RIMS2: variants seen among roughly 807,000 people sequenced by gnomAD.
The protein encoded by RIMS2 is regulating synaptic membrane exocytosis protein 2.
In RIMS2, 59 loss-of-function variants were observed where a neutral mutation model predicts 174.4. The observed-to-expected ratio is 0.34, with a 90% CI of 0.27 to 0.42. The LOEUF is 0.42. RIMS2 is among the 10% of genes least tolerant of loss of function. The probability of loss-of-function intolerance (pLI) is 1.00; values close to 1 mark genes in which losing one functional copy is unlikely to be tolerated. For synonymous variants in RIMS2, 606 were observed against 572.5 expected, an observed-to-expected ratio of 1.06 and a Z score of -0.84; for missense variants, 1,620 against 1,666.3, an observed-to-expected ratio of 0.97 and a Z score of 0.48.
At chr8:104,159,564 A>C (rs867978159) in intron 19 of RIMS2, among the ~76,000 whole-genome samples, 4 of 152,138 alleles carry the variant, frequency 2.6e-5, no homozygotes, top group Admixed American at 2.0e-4. Context: ...ATTTCTTCAG[A>C]TCCTTGCCAA....
intron 19 of RIMS2, among the ~76,000 whole-genome samples, chr8:104,190,972 T>A (rs534428833): frequency 6.6e-6 from 1 of 151,712 alleles, no homozygotes; most frequent in East Asian, 1.9e-4. Flanking sequence ...CTTCTTCTGA[T>A]GTGGGAAGCA....
At chr8:103,604,254 G>C (rs2094927755) in intron 1 of RIMS2, among the ~76,000 whole-genome samples, 1 of 151,130 alleles carries the variant, frequency 6.6e-6, no homozygotes, top group African/African-American at 2.4e-5. Context: ...ATTAAATAGA[G>C]AATCCTTTCC....
intron 15 of RIMS2, among the ~76,000 whole-genome samples, chr8:103,973,517 T>G (rs969614950): frequency 3.3e-5 from 5 of 152,118 alleles, no homozygotes; most frequent in Non-Finnish European, 7.4e-5. Flanking sequence ...TACTATATAA[T>G]AGGAGTCTAA....
intron 4 of RIMS2, chr8:103,910,009 G>T (rs2075340482): frequency 7.7e-6 from 4 of 517,492 alleles, no homozygotes; most frequent in East Asian, 3.1e-5. Flanking sequence ...TATATATATA[G>T]TGAGTGCTAC....
At chr8:104,164,106 T>C (rs2098781514) in intron 19 of RIMS2, among the ~76,000 whole-genome samples, 1 of 152,172 alleles carries the variant, frequency 6.6e-6, no homozygotes, top group Non-Finnish European at 1.5e-5. Flanking sequence ...TCCAGTCCCA[T>C]TGACATTTGA....
chr8:103,605,582 T>C (rs202228972), intron 1 of RIMS2, among the ~76,000 whole-genome samples: 9,917 of 151,750 alleles, frequency 0.065, 399 homozygotes, highest in South Asian at 0.088. Flanking sequence ...ATGGTACCAG[T>C]TCCTCCTTGT....
chr8:103,771,368 C>G (rs1228721001), intron 3 of RIMS2, among the ~76,000 whole-genome samples: 1 of 152,016 alleles, frequency 6.6e-6, no homozygotes, highest in Non-Finnish European at 1.5e-5. Context: ...ATTGATATTT[C>G]TTACATTTGA....
chr8:103,931,324 A>G, exon 12 of RIMS2: 4 of 1,603,686 alleles, frequency 2.5e-6, no homozygotes, highest in Non-Finnish European at 3.4e-6. Flanking sequence ...GGAGCAAAAG[A>G]TCTCCCTTCC....
chr8:103,816,445 A>T (rs2098719127), intron 3 of RIMS2, among the ~76,000 whole-genome samples: 1 of 152,230 alleles, frequency 6.6e-6, no homozygotes, highest in African/African-American at 2.4e-5. Context: ...TGAGACAAGA[A>T]TGCAGGACTT....
chr8:104,142,641 C>T (rs1275746281), intron 19 of RIMS2, among the ~76,000 whole-genome samples: 1 of 152,142 alleles, frequency 6.6e-6, no homozygotes, highest in Non-Finnish European at 1.5e-5. Context: ...AGTGACCTAC[C>T]TTGTGACCAC....
In RIMS2 at chr8:103,851,624, G is replaced by A. The variant is rs144680443; in HGVS notation, c.699-33674G>A. Among the ~76,000 whole-genome samples, 22 of 147,188 alleles carry A rather than the reference G, an allele frequency of 1.5e-4. No individual in the cohort carries two copies. In the East Asian group the frequency reaches 4.2e-3, roughly 28 times the overall value. On this transcript the variant is annotated intron_variant, in intron 3 of 23. Coordinates refer to ENST00000504942, the Ensembl canonical transcript of RIMS2. ...TGTGTATGTATAGATGTGTATGCCTGTGTCTATAGGAATGCTATGTACACA... is the reference window on the plus strand; with the variant it reads ...TGTGTATGTATAGATGTGTATGCCTATGTCTATAGGAATGCTATGTACACA...
intron 4 of RIMS2, among the ~76,000 whole-genome samples, chr8:103,902,512 T>A (rs993530028): frequency 5.9e-5 from 9 of 152,154 alleles, no homozygotes; most frequent in African/African-American, 2.2e-4. Context: ...AGCAACTCCA[T>A]GGAACATAGT....
intron 16 of RIMS2, chr8:103,977,261 GTGTT>G (rs1456633041): frequency 1.3e-5 from 2 of 152,176 alleles, no homozygotes; most frequent in Non-Finnish European, 2.9e-5. Flanking sequence ...ATGGTTTAAA[GTGTT>G]TGAAGATGTT....
intron 3 of RIMS2, among the ~76,000 whole-genome samples, chr8:103,804,462 T>C (rs1177249721): frequency 6.6e-6 from 1 of 150,920 alleles, no homozygotes; most frequent in Admixed American, 6.6e-5. Flanking sequence ...GTGGACAAGA[T>C]TATATAAGGT....
At chr8:103,556,744 G>T (rs7824743) in intron 1 of RIMS2, among the ~76,000 whole-genome samples, 57,280 of 151,918 alleles carry the variant, frequency 0.38, 11,151 homozygotes, top group African/African-American at 0.4. Flanking sequence ...TTCTCAGTAA[G>T]TTTGTGTTTT....
At chr8:104,176,097 C>T (rs2098890870) in intron 19 of RIMS2, among the ~76,000 whole-genome samples, 1 of 152,124 alleles carries the variant, frequency 6.6e-6, no homozygotes, top group Non-Finnish European at 1.5e-5. Flanking sequence ...TCTCGAGTTC[C>T]TCACACCATT....
At chr8:104,244,211 A>T (rs1006372783) in intron 19 of RIMS2, among the ~76,000 whole-genome samples, 1 of 152,150 alleles carries the variant, frequency 6.6e-6, no homozygotes, top group Non-Finnish European at 1.5e-5. Flanking sequence ...ACATCACCAA[A>T]CTATTAAAAA....
chr8:103,788,995 C>T (rs1040565640), intron 3 of RIMS2, among the ~76,000 whole-genome samples: 11 of 152,206 alleles, frequency 7.2e-5, no homozygotes, highest in Admixed American at 2.0e-4. Flanking sequence ...TTAAGCCCTT[C>T]GGAAAAGCGC....
At chr8:103,703,198 G>T (rs879573673) in intron 2 of RIMS2, among the ~76,000 whole-genome samples, 1 of 151,064 alleles carries the variant, frequency 6.6e-6, no homozygotes, top group Non-Finnish European at 1.5e-5. Flanking sequence ...GTCCTGGCTG[G>T]TTTCACTCTC....
Sources: gnomAD v4.1 joint callset for allele counts (sites outside exome capture counted in the v4.1 genomes callset) on GRCh38, gnomAD v4.1.1 for gene constraint, MANE v1.5 for transcripts, NCBI Gene and HGNC (gene_info 2026-07-23, HGNC 2026-07-21) for gene names.